The following MBD5 variants were observed in gnomAD, a reference collection of about 807,000 sequenced individuals.
MBD5 encodes methyl-CpG binding domain protein 5, also known as methyl-CpG-binding domain protein 5.
MBD5 carries 13 observed loss-of-function variants against 117.3 expected under a neutral mutation model. The observed-to-expected ratio is 0.11, with a 90% CI of 0.07 to 0.18. The LOEUF (loss-of-function observed/expected upper bound fraction) is 0.18. Ranked by LOEUF, MBD5 falls within the 10% of genes least tolerant of loss-of-function variation. The pLI is 1.00. For missense variants in MBD5, 1,879 were observed against 2,093.8 expected (o/e 0.90, Z 2.00); for synonymous variants, 727 against 766.4 (o/e 0.95, Z 0.85).
chr2:148,235,172 T>A (rs1700065405), intron 3 of MBD5, among the ~76,000 whole-genome samples: 1 of 152,218 alleles, frequency 6.6e-6, no homozygotes, highest in African/African-American at 2.4e-5. Flanking sequence ...TTATATTTTT[T>A]ATTCTGATTA....
At chr2:148,390,563 GTA>G (rs10566882) in intron 4 of MBD5, among the ~76,000 whole-genome samples, 102,054 of 147,430 alleles carry the variant, frequency 0.69, 35,228 homozygotes, top group East Asian at 0.75. Flanking sequence ...GTGTATGTGT[GTA>G]TATATATATA....
intron 3 of MBD5, among the ~76,000 whole-genome samples, chr2:148,236,338 A>G (rs1574174802): frequency 1.3e-5 from 2 of 152,290 alleles, no homozygotes; most frequent in Middle Eastern, 6.8e-3. Context: ...TGTAAGGCAG[A>G]TACAGCCTTA....
At chr2:148,110,674 AT>A (rs1215042928) in intron 1 of MBD5, among the ~76,000 whole-genome samples, 1 of 149,532 alleles carries the variant, frequency 6.7e-6, no homozygotes, top group Non-Finnish European at 1.5e-5. Context: ...TTGTCTTCTC[AT>A]TTTGTTTGTG....
chr2:148,382,519 C>T (rs1704184612), intron 4 of MBD5, among the ~76,000 whole-genome samples: 1 of 152,078 alleles, frequency 6.6e-6, no homozygotes, highest in Non-Finnish European at 1.5e-5. Context: ...GACTTTAACA[C>T]CCCACTGTCA....
At chr2:148,251,576 A>G (rs1257938092) in intron 3 of MBD5, among the ~76,000 whole-genome samples, 7 of 152,218 alleles carry the variant, frequency 4.6e-5, no homozygotes, top group South Asian at 2.1e-4. Context: ...AAATTTATTC[A>G]TAGTATACAT....
chr2:148,074,507 G>GTTTTTTTTTTTTTTTTTTTTTTTTGT (rs11443189), intron 1 of MBD5, among the ~76,000 whole-genome samples: 13 of 113,772 alleles, frequency 1.1e-4, no homozygotes, highest in South Asian at 2.9e-4. Context: ...TTTTTTTTTT[G>GTTTTTTTTTTTTTTTTTTTTTTTTGT]TTTTTTTTTT....
upstream of MBD5, chr2:148,021,066 T>A (rs1211881688): frequency 6.5e-6 from 1 of 153,480 alleles, no homozygotes; most frequent in Non-Finnish European, 1.5e-5. Context: ...TCCCGTCTCT[T>A]CTACCCGAAC....
chr2:148,282,651 T>C (rs1022513628), intron 3 of MBD5, among the ~76,000 whole-genome samples: 1 of 151,890 alleles, frequency 6.6e-6, no homozygotes, highest in African/African-American at 2.4e-5. Context: ...TTGCATGATA[T>C]ACATGTTTAA....
chr2:148,392,212 A>T (rs955465274), intron 4 of MBD5, among the ~76,000 whole-genome samples: 1 of 152,208 alleles, frequency 6.6e-6, no homozygotes, highest in African/African-American at 2.4e-5. Flanking sequence ...TATAATAAAC[A>T]ATGTAGACAG....
At chr2:148,169,289 T>A (rs1698201272) in intron 1 of MBD5, among the ~76,000 whole-genome samples, 1 of 152,158 alleles carries the variant, frequency 6.6e-6, no homozygotes, top group African/African-American at 2.4e-5. Context: ...TTTCAAGAAC[T>A]CTATTTTTGA....
In MBD5 at chr2:148,469,514, C is replaced by T; in HGVS notation, c.1571C>T (p.Pro524Leu). ...CATCAGTACAAGGATATCCCTAACC[C>T]ATTAATTGCTGGAATAAGTAATGTA... The part of the protein sequence containing the change: ...GHHQYKDIPN[P>L]LIAGISNVLN... Residue 524 changes from proline to leucine, a missense_variant, in exon 8 of 14, where the codon CCA becomes CTA. By Grantham distance (98) the Pro-to-Leu change is moderately conservative. This residue lies in a region of MBD5 where 1,666 missense variants were observed against 1,792.2 expected (regional missense o/e 0.93). Coordinates refer to ENST00000642680, the MANE Select transcript of MBD5 (RefSeq NM_001378120.1). The T allele has an allele frequency of 6.2e-7, 1 of 1,613,784 alleles. No homozygotes were observed. Among genetic ancestry groups the T allele is most frequent in the Non-Finnish European group, 8.5e-7 (1 of 1,179,912 alleles).
chr2:148,230,911 G>A (rs1699967119), intron 2 of MBD5, among the ~76,000 whole-genome samples: 1 of 152,130 alleles, frequency 6.6e-6, no homozygotes, highest in African/African-American at 2.4e-5. Context: ...TGGCTGAGCT[G>A]GTATCCAAGA....
Position 148,483,443 on chromosome 2 carries a change from C to G in MBD5, c.2852C>G (p.Ser951Cys), listed in dbSNP as rs748416154. Residue 951 changes from serine to cysteine, a missense_variant, in exon 9 of 14, where the codon TCT becomes TGT. Around this residue, in one of 4 missense-constraint regions of MBD5, gnomAD observed 1,666 missense variants for 1,792.2 expected, o/e 0.93. Coordinates refer to ENST00000642680, the MANE Select transcript of MBD5 (RefSeq NM_001378120.1). ...ILQPSAGEGK[S>C]EINLHPLGFL... ...CAGCCTTCAGCAGGAGAAGGCAAGT[C>G]TGAGATCAACCTCCACCCTTTAGGT... 1 of 1,614,098 alleles carries G rather than the reference C, an allele frequency of 6.2e-7. No homozygotes were observed. The highest frequency in any genetic ancestry group is 8.5e-7 in the Non-Finnish European group (1 of 1,179,970).
chr2:148,401,635 G>T (rs1704924289), intron 4 of MBD5, among the ~76,000 whole-genome samples: 1 of 152,054 alleles, frequency 6.6e-6, no homozygotes, highest in South Asian at 2.1e-4. Context: ...GCAAAATTGT[G>T]CAGAACATTC....
intron 1 of MBD5, among the ~76,000 whole-genome samples, chr2:148,112,961 C>T (rs1296430679): frequency 6.6e-6 from 1 of 151,990 alleles, no homozygotes; most frequent in East Asian, 1.9e-4. Context: ...GAGTTCGAGA[C>T]CAACTTGGGC....
intron 1 of MBD5, among the ~76,000 whole-genome samples, chr2:148,147,756 C>T (rs1316221090): frequency 2.0e-5 from 3 of 152,082 alleles, no homozygotes; most frequent in Non-Finnish European, 4.4e-5. Flanking sequence ...TAAGCCAGTA[C>T]GTTTCCCTGC....
At chr2:148,369,725 C>G (rs900036280) in intron 4 of MBD5, among the ~76,000 whole-genome samples, 1 of 151,960 alleles carries the variant, frequency 6.6e-6, no homozygotes, top group Non-Finnish European at 1.5e-5. Flanking sequence ...TGGTATACTC[C>G]TGTGTTCAAA....
At chr2:148,086,372 A>G (rs1695792417) in intron 1 of MBD5, among the ~76,000 whole-genome samples, 1 of 152,124 alleles carries the variant, frequency 6.6e-6, no homozygotes, top group African/African-American at 2.4e-5. Context: ...CAATTTGCAT[A>G]TCAGTTTTGT....
At chr2:148,416,681 A>C (rs1705431054) in intron 4 of MBD5, among the ~76,000 whole-genome samples, 1 of 152,120 alleles carries the variant, frequency 6.6e-6, no homozygotes, top group African/African-American at 2.4e-5. Context: ...GATGAATTGT[A>C]TGGTGGTGAA....
Sources: gnomAD v4.1 joint callset for allele counts (sites outside exome capture counted in the v4.1 genomes callset) on GRCh38, gnomAD v4.1.1 for gene constraint, gnomAD v4.1.1 regional missense constraint, MANE v1.5 for transcripts, NCBI Gene and HGNC (gene_info 2026-07-23, HGNC 2026-07-21) for gene names.